The following PABPC4L variants were observed in gnomAD, a reference collection of about 807,000 sequenced individuals.
PABPC4L encodes poly(A) binding protein cytoplasmic 4 like.
For synonymous variants in PABPC4L, 169 were observed against 164.1 expected (o/e 1.03, Z -0.23); for missense variants, 452 against 451.4 (o/e 1.00, Z -0.01).
chr4:134,002,379 C>T, the PABPC4L span, among the ~76,000 whole-genome samples: 4 of 151,670 alleles, frequency 2.6e-5, no homozygotes, highest in Non-Finnish European at 4.4e-5. Flanking sequence ...TTTTTATCTT[C>T]AAGCATGTCT....
At chr4:133,995,700 T>C in the PABPC4L span, among the ~76,000 whole-genome samples, 1 of 152,146 alleles carries the variant, frequency 6.6e-6, no homozygotes, top group Non-Finnish European at 1.5e-5. Context: ...TTAATTGTTG[T>C]TGTACACTGG....
chr4:134,176,216 C>T, the PABPC4L span, among the ~76,000 whole-genome samples: 14 of 151,890 alleles, frequency 9.2e-5, no homozygotes, highest in East Asian at 2.7e-3. Flanking sequence ...AATTTTTATT[C>T]ATGATATAAT....
chr4:134,200,851 T>C lies in PABPC4L; in HGVS notation c.169A>G (p.Asn57Asp), dbSNP rs1227521650. The change falls in exon 2 of 2, where the codon AAC becomes GAC. Residue 57 changes from asparagine (N) to aspartate (D), a missense_variant. Transcript: ENST00000421491. Reference protein sequence around the residue: ...TRRSLGYAYVNFLQLADAQKA... With the variant: ...TRRSLGYAYVDFLQLADAQKA... The stretch of plus-strand genomic sequence containing the variant: ...TGGGCATCAGCCAGCTGCAAGAAGT[T>C]CACGTAGGCATAGCCCAGAGAGCGG... 1.3e-6 allele frequency: 2 copies of C among 1,567,486 alleles called. No individual in the cohort carries two copies. The highest frequency in any genetic ancestry group is 1.7e-6 in the Non-Finnish European group (2 of 1,155,800).
At chr4:134,146,485 G>A in the PABPC4L span, among the ~76,000 whole-genome samples, 1 of 151,970 alleles carries the variant, frequency 6.6e-6, no homozygotes, top group African/African-American at 2.4e-5. Flanking sequence ...TGTCTGACAA[G>A]CAATAGGAAA....
At chr4:134,050,706 C>CAAAAA in the PABPC4L span, among the ~76,000 whole-genome samples, 2,142 of 82,684 alleles carry the variant, frequency 0.026, 47 homozygotes, top group East Asian at 0.054. Flanking sequence ...CACCGTCTCC[C>CAAAAA]AAAAAAAAAA....
At chr4:134,010,618 G>C in the PABPC4L span, 6 of 152,140 alleles carry the variant, frequency 3.9e-5, no homozygotes, top group Non-Finnish European at 8.8e-5. Context: ...CCTGCAGCTT[G>C]TGTCTCCAAC....
chr4:133,986,518 G>A, the PABPC4L span, among the ~76,000 whole-genome samples: 2 of 151,932 alleles, frequency 1.3e-5, no homozygotes, highest in Admixed American at 6.6e-5. Context: ...GAAATAAAAT[G>A]CTTTGATTGT....
chr4:134,122,342 G>A, the PABPC4L span, among the ~76,000 whole-genome samples: 2 of 151,724 alleles, frequency 1.3e-5, no homozygotes, highest in East Asian at 3.9e-4. Context: ...TTTCTCATAA[G>A]CATTTTTTTA....
the PABPC4L span, among the ~76,000 whole-genome samples, chr4:134,050,170 A>C: frequency 6.6e-6 from 1 of 152,128 alleles, no homozygotes; most frequent in Non-Finnish European, 1.5e-5. Context: ...TTTTTTCAAC[A>C]TCATGGGTTT....
chr4:134,038,382 G>C, the PABPC4L span, among the ~76,000 whole-genome samples: 1 of 152,122 alleles, frequency 6.6e-6, no homozygotes, highest in Admixed American at 6.6e-5. Flanking sequence ...GTTTTGAATA[G>C]TTTCAGGAGG....
At chr4:134,151,434 T>A in the PABPC4L span, among the ~76,000 whole-genome samples, 1 of 152,074 alleles carries the variant, frequency 6.6e-6, no homozygotes, top group African/African-American at 2.4e-5. Context: ...GATCATATTA[T>A]AATGTCTTAA....
the PABPC4L span, among the ~76,000 whole-genome samples, chr4:133,950,083 C>T: frequency 6.6e-6 from 1 of 152,106 alleles, no homozygotes; most frequent in Non-Finnish European, 1.5e-5. Flanking sequence ...AAGGGGGATG[C>T]CAAGGGGTGT....
the PABPC4L span, among the ~76,000 whole-genome samples, chr4:134,165,536 G>A: frequency 2.6e-4 from 40 of 152,016 alleles, no homozygotes; most frequent in Non-Finnish European, 5.7e-4. Flanking sequence ...ATGAAAAAAT[G>A]TTCAACATCA....
At chr4:134,139,824 C>G in the PABPC4L span, among the ~76,000 whole-genome samples, 5 of 151,720 alleles carry the variant, frequency 3.3e-5, no homozygotes, top group South Asian at 1.0e-3. Context: ...ATAATTTTAT[C>G]TAGCATTTTT....
chr4:134,115,527 AAG>A, the PABPC4L span, among the ~76,000 whole-genome samples: 1 of 151,900 alleles, frequency 6.6e-6, no homozygotes, highest in East Asian at 1.9e-4. Context: ...GATCTAGAAT[AAG>A]AGAAAAATTT....
the PABPC4L span, among the ~76,000 whole-genome samples, chr4:134,166,547 G>A: frequency 9.9e-5 from 15 of 152,194 alleles, no homozygotes; most frequent in Non-Finnish European, 2.1e-4. Context: ...TCTTGGGCAG[G>A]TCACACCAGC....
chr4:134,130,114 G>A, the PABPC4L span, among the ~76,000 whole-genome samples: 2 of 146,024 alleles, frequency 1.4e-5, no homozygotes, highest in African/African-American at 5.0e-5. Flanking sequence ...GTTAATCTAA[G>A]GTCACACATC....
At chr4:134,048,812 A>G in the PABPC4L span, among the ~76,000 whole-genome samples, 1 of 152,128 alleles carries the variant, frequency 6.6e-6, no homozygotes, top group East Asian at 1.9e-4. Context: ...TAATGCTGAG[A>G]AAGGAATAAT....
At chr4:134,020,327 C>G in the PABPC4L span, among the ~76,000 whole-genome samples, 2 of 152,096 alleles carry the variant, frequency 1.3e-5, no homozygotes, top group African/African-American at 4.8e-5. Flanking sequence ...AAGATGTGCT[C>G]TGCTACAAGG....
Sources: gnomAD v4.1 joint callset for allele counts (sites outside exome capture counted in the v4.1 genomes callset) on GRCh38, gnomAD v4.1.1 for gene constraint, MANE v1.5 for transcripts, NCBI Gene and HGNC (gene_info 2026-07-23, HGNC 2026-07-21) for gene names.